Variants in ROR2 observed in about 807,000 individuals in gnomAD.
ROR2 encodes the protein tyrosine-protein kinase transmembrane receptor ROR2.
ROR2 carries 33 observed loss-of-function variants against 74.9 expected under a neutral mutation model. The ratio of observed to expected loss-of-function variants is 0.44; its 90% CI spans 0.33 to 0.59. The LOEUF is 0.59. ROR2 is among the 20% of genes least tolerant of loss of function. The probability of loss-of-function intolerance (pLI) is 0.02; values close to 1 mark genes in which losing one functional copy is unlikely to be tolerated. For missense variants in ROR2, 1,216 were observed against 1,313.8 expected (o/e 0.93, Z 1.15); for synonymous variants, 586 against 558.7 (o/e 1.05, Z -0.69).
intron 1 of ROR2, among the ~76,000 whole-genome samples, chr9:91,865,744 G>C (rs920073714): frequency 5.3e-5 from 8 of 152,194 alleles, no homozygotes; most frequent in Admixed American, 5.2e-4. Flanking sequence ...GAAGTGAAGT[G>C]AAAACAAGGT....
chr9:91,744,275 G>A (rs894103733), intron 4 of ROR2, among the ~76,000 whole-genome samples: 3 of 145,000 alleles, frequency 2.1e-5, no homozygotes, highest in Non-Finnish European at 4.5e-5. Context: ...GCCCAGGCTG[G>A]AGTGCAGTAT....
At chr9:91,749,078 T>C (rs985042021) in intron 4 of ROR2, among the ~76,000 whole-genome samples, 1 of 151,996 alleles carries the variant, frequency 6.6e-6, no homozygotes, top group East Asian at 1.9e-4. Flanking sequence ...TAAAGAAATA[T>C]CAAACTACAA....
Position 91,726,589 on chromosome 9 carries a change from G to A in ROR2, c.1338C>T (p.Ala446=). The A allele has an allele frequency of 6.2e-7, 1 of 1,613,528 alleles. No homozygotes were observed. Among genetic ancestry groups the A allele is most frequent in the South Asian group, 1.1e-5 (1 of 91,040 alleles). The part of the protein sequence containing the change: ...ASTPQRRQLM[A]SPSQDMEMPL... Reference sequence around the variant, plus strand: ...GCATTTCCATGTCTTGGCTGGGCGAGGCCATCAGCTGTCGCCGCTGCGGTG... The same window carrying A: ...GCATTTCCATGTCTTGGCTGGGCGAAGCCATCAGCTGTCGCCGCTGCGGTG... Residue 446 remains alanine, a synonymous_variant, in exon 8 of 9, where the codon GCC becomes GCT. Transcript: ENST00000375708.
intron 1 of ROR2, among the ~76,000 whole-genome samples, chr9:91,838,857 G>A (rs1285046021): frequency 1.3e-5 from 2 of 152,132 alleles, no homozygotes; most frequent in Non-Finnish European, 2.9e-5. Context: ...AAATAAACGG[G>A]CACAAAGAAC....
chr9:91,854,309 G>A (rs867893600), intron 1 of ROR2, among the ~76,000 whole-genome samples: 2 of 152,214 alleles, frequency 1.3e-5, no homozygotes, highest in Non-Finnish European at 2.9e-5. Context: ...TCACAAGGGC[G>A]TGGAGTCAGC....
chr9:91,737,111 CTT>C (rs1426473501), intron 5 of ROR2, among the ~76,000 whole-genome samples: 2 of 152,224 alleles, frequency 1.3e-5, no homozygotes. Context: ...GAGGACAGTG[CTT>C]TGGACCCACA....
At position 91,859,197 on chromosome 9, in the gene ROR2, CTTTTTTT is replaced by C. The variant is rs541283275; in HGVS notation, c.98-83386_98-83380del. ...CAAGAAGGACCATCTGAAAGTATTCCTTTTTTTTTTTTTTTTTTTTTTGAGACAGAGT... is the reference window on the plus strand; with the variant it reads ...CAAGAAGGACCATCTGAAAGTATTCCTTTTTTTTTTTTTTTGAGACAGAGT... On this transcript the variant is annotated intron_variant, in intron 1 of 8. Transcript: ENST00000375708. Among the ~76,000 whole-genome samples, 235 of 121,302 alleles carry C rather than the reference CTTTTTTT, an allele frequency of 1.9e-3. 3 individuals are homozygous for C. In the East Asian group the frequency reaches 0.036, roughly 19 times the overall value. 79.6% of individuals were successfully genotyped at this position (121,302 alleles called of 152,430 possible). A position where few individuals can be genotyped will look rare whatever the true frequency, so the allele number is the denominator to read the frequency against.
At chr9:91,747,975 G>A (rs1024276025) in intron 4 of ROR2, among the ~76,000 whole-genome samples, 3 of 152,202 alleles carry the variant, frequency 2.0e-5, no homozygotes, top group Non-Finnish European at 4.4e-5. Context: ...TCAGTTAGAA[G>A]GAGGACTAAG....
In ROR2 at chr9:91,724,094, C is replaced by G. The variant is rs1379167494; in HGVS notation, c.2400G>C (p.Gln800His). 3 of 1,611,212 alleles carry G rather than the reference C, an allele frequency of 1.9e-6. No individual in the cohort carries two copies. Among genetic ancestry groups the G allele is most frequent in the Non-Finnish European group, 2.5e-6 (3 of 1,179,906 alleles). ...KQKAPPFPQP[Q>H]FIPMKGQIRP... ...TGATCTGGCCCTTCATGGGGATGAA[C>G]TGGGGCTGTGGGAAGGGCGGGGCCT... is the stretch of plus-strand genomic sequence containing the variant. Residue 800 changes from glutamine (Q) to histidine (H), a missense_variant, in exon 9 of 9, where the codon CAG becomes CAC. Coordinates refer to ENST00000375708, the MANE Select transcript of ROR2 (RefSeq NM_004560.4).
At chr9:91,788,896 C>G (rs1329835110) in intron 1 of ROR2, among the ~76,000 whole-genome samples, 1 of 150,684 alleles carries the variant, frequency 6.6e-6, no homozygotes, top group Non-Finnish European at 1.5e-5. Flanking sequence ...TCCAGCCAAA[C>G]TCTTCTTCAG....
chr9:91,914,164 T>C (rs1831064488), intron 1 of ROR2, among the ~76,000 whole-genome samples: 1 of 152,128 alleles, frequency 6.6e-6, no homozygotes, highest in African/African-American at 2.4e-5. Flanking sequence ...CACCTTATAC[T>C]GTGTGTAAGC....
At chr9:91,755,402 A>C (rs1825716335) in intron 4 of ROR2, among the ~76,000 whole-genome samples, 1 of 152,248 alleles carries the variant, frequency 6.6e-6, no homozygotes, top group Non-Finnish European at 1.5e-5. Context: ...AAATGCAGGA[A>C]ACCCGGACAG....
intron 1 of ROR2, among the ~76,000 whole-genome samples, chr9:91,914,477 T>C (rs543319201): frequency 6.6e-6 from 1 of 152,320 alleles, no homozygotes; most frequent in East Asian, 1.9e-4. Flanking sequence ...GGGAGGTGGT[T>C]CATGACGTCA....
intron 7 of ROR2, among the ~76,000 whole-genome samples, chr9:91,730,142 C>G (rs767526656): frequency 1.3e-5 from 2 of 152,100 alleles, no homozygotes; most frequent in Non-Finnish European, 2.9e-5. Flanking sequence ...GGGTTTTTGC[C>G]ATGTTGCTCA....
rs769416864 is a variant in ROR2 at position 91,775,768 on chromosome 9, G to T, written c.148C>A (p.Gln50Lys). 2.5e-6 allele frequency: 4 copies of T among 1,614,198 alleles called. No homozygotes were observed. In the Admixed American group the frequency reaches 6.7e-5, roughly 27 times the overall value. ...PNDPLGPLDG[Q>K]DGPIPTLKGY... ...TTCAGAGTTGGAATCGGGCCGTCCTGCCCATCAAGGGGTCCTAAAGGGTCG... is the reference window on the plus strand; with the variant it reads ...TTCAGAGTTGGAATCGGGCCGTCCTTCCCATCAAGGGGTCCTAAAGGGTCG... Residue 50 changes from glutamine to lysine, a missense_variant, in exon 2 of 9, where the codon CAG becomes AAG. Transcript: ENST00000375708.
Position 91,731,057 on chromosome 9 carries a change from G to C in ROR2, c.1036C>G (p.His346Asp). 5 of 1,614,116 alleles carry C rather than the reference G, an allele frequency of 3.1e-6. No individual in the cohort carries two copies. The highest frequency in any genetic ancestry group is 4.2e-6 in the Non-Finnish European group (5 of 1,180,024). ...QCQPWALQHP[H>D]SHHLSSTDFP... The stretch of plus-strand genomic sequence containing the variant: ...TCTGTGCTGGACAGGTGGTGGCTGT[G>C]GGGGTGCTGCAGGGCCCACGGCTGG... Residue 346 changes from histidine (H) to aspartate (D), a missense_variant, in exon 7 of 9, where the codon CAC (histidine) becomes GAC (aspartate). By Grantham distance (81) the His-to-Asp change is moderately conservative (BLOSUM62 -1). Transcript: ENST00000375708.
At chr9:91,887,218 C>G (rs1361807882) in intron 1 of ROR2, 1 of 152,148 alleles carries the variant, frequency 6.6e-6, no homozygotes, top group Non-Finnish European at 1.5e-5. Context: ...TTTGGAAACA[C>G]AGTATTTTAA....
chr9:91,914,327 A>C (rs1831069690), intron 1 of ROR2, among the ~76,000 whole-genome samples: 1 of 152,206 alleles, frequency 6.6e-6, no homozygotes, highest in South Asian at 2.1e-4. Context: ...CAGAAAATCG[A>C]ACACTAGAAT....
intron 1 of ROR2, among the ~76,000 whole-genome samples, chr9:91,936,618 C>T (rs896434725): frequency 3.9e-5 from 6 of 152,196 alleles, no homozygotes; most frequent in Admixed American, 1.3e-4. Flanking sequence ...GTGTGATATT[C>T]TCTGTTAAAA....
Sources: allele counts gnomAD v4.1 joint callset (sites outside exome capture counted in the v4.1 genomes callset), GRCh38; gene constraint gnomAD v4.1.1; transcripts MANE v1.5; gene names NCBI Gene and HGNC (gene_info 2026-07-23, HGNC 2026-07-21).